The following NEB variants were observed in gnomAD, a reference collection of about 807,000 sequenced individuals.
NEB encodes nebulin.
A neutral mutation model predicts 952.2 loss-of-function variants in NEB; 512 were observed. The observed-to-expected ratio is 0.54, with a 90% CI of 0.50 to 0.58. NEB has a LOEUF of 0.58. Among genes scored for constraint, NEB ranks in the 20% least tolerant of loss-of-function variants. The probability of loss-of-function intolerance (pLI) is 0.00; values close to 1 mark genes in which losing one functional copy is unlikely to be tolerated. For missense variants in NEB, 8,428 were observed against 9,231.1 expected (o/e 0.91, Z 3.56); for synonymous variants, 2,900 against 3,149.8 (o/e 0.92, Z 2.66).
At chr2:151,487,687 T>C (rs1437373019) in intron 181 of NEB, among the ~76,000 whole-genome samples, 1 of 152,208 alleles carries the variant, frequency 6.6e-6, no homozygotes, top group African/African-American at 2.4e-5. Context: ...GGGCAAATAA[T>C]TTCTGAAGAA....
At chr2:151,619,202 A>G (rs1573922399) in intron 73 of NEB, among the ~76,000 whole-genome samples, 1 of 152,194 alleles carries the variant, frequency 6.6e-6, no homozygotes, top group Non-Finnish European at 1.5e-5. Context: ...CAAACAAAGG[A>G]AGCCTGAATC....
intron 17 of NEB, among the ~76,000 whole-genome samples, chr2:151,696,161 A>G (rs2099594739): frequency 1.3e-5 from 2 of 152,316 alleles, no homozygotes; most frequent in African/African-American, 4.8e-5. Flanking sequence ...AGCTCATATA[A>G]TAAAATTTGT....
At chr2:151,501,297 A>AATTG (rs1328647692) in intron 168 of NEB, 94 bp downstream of exon 168, 8 of 829,762 alleles carry the variant, frequency 9.6e-6, no homozygotes, top group African/African-American at 3.5e-5. Flanking sequence ...GATTTTGTTA[A>AATTG]ATTGATTATT....
intron 171 of NEB, 138 bp downstream of exon 171, chr2:151,497,487 GA>G: frequency 6.8e-7 from 1 of 1,472,322 alleles, no homozygotes; most frequent in Non-Finnish European, 8.9e-7. Flanking sequence ...TAGCCCAAAG[GA>G]AAAAAGGATA....
Position 151,534,250 on chromosome 2 carries a change from G to A in NEB, c.21313-704C>T, listed in dbSNP as rs2153521308. On this transcript the variant is annotated intron_variant, in intron 142 of 181. Coordinates refer to ENST00000397345, the MANE Select transcript of NEB (RefSeq NM_001164508.2). ...TGGTCGCCTGCGGTCTTAGCCAGCA[G>A]ATGTCTAGGCTCATCGACTACCAGG... 2 of 1,613,654 alleles carry A rather than the reference G, an allele frequency of 1.2e-6. No individual in the cohort carries two copies. The highest frequency in any genetic ancestry group is 1.7e-6 in the Non-Finnish European group (2 of 1,179,786).
At chr2:151,520,695 C>T (rs1421735533) in intron 153 of NEB, among the ~76,000 whole-genome samples, 1 of 152,106 alleles carries the variant, frequency 6.6e-6, no homozygotes, top group East Asian at 1.9e-4. Flanking sequence ...GAAACCCCAT[C>T]TCCACTAAAA....
intron 169 of NEB, among the ~76,000 whole-genome samples, 172 bp downstream of exon 169, chr2:151,499,126 A>AATG (rs140146338): frequency 1.3e-5 from 2 of 152,300 alleles, no homozygotes; most frequent in East Asian, 3.9e-4. Context: ...TGATTATATT[A>AATG]ATGTTTTACC....
rs1246614856 is a variant in NEB, at chr2:151,575,753, A to T, written c.16955T>A (p.Ile5652Lys). The T allele has an allele frequency of 6.2e-7, 1 of 1,611,238 alleles. No individual in the cohort carries two copies. The highest frequency in any genetic ancestry group is 8.5e-7 in the Non-Finnish European group (1 of 1,177,340). ...ATTAATTTCTGGAGTATCTGGCATT[A>T]TGTGTATTGAAGTTTTATCCTTGTC... ...VWDKDKTSIHIMPDTPEINLA... is the reference protein window; with the variant it reads ...VWDKDKTSIHKMPDTPEINLA... The change falls in exon 107 of 182, where the codon ATA becomes AAA. Residue 5652 changes from isoleucine (I) to lysine (K), a missense_variant. By Grantham distance (102) the Ile-to-Lys change is moderately radical. Transcript: ENST00000397345.
At position 151,548,319 on chromosome 2, in the gene NEB, C is replaced by T. The variant is rs757433328; in HGVS notation, c.20146G>A (p.Val6716Ile). 4 of 1,611,742 alleles carry T rather than the reference C, an allele frequency of 2.5e-6. No homozygotes were observed. The South Asian group carries it at 3.3e-5, about 13-fold the overall frequency. Residue 6716 changes from valine (V) to isoleucine (I), a missense_variant, in exon 131 of 182, where the codon GTT (valine) becomes ATT (isoleucine). By Grantham distance (29) the Val-to-Ile change is conservative (BLOSUM62 3). Coordinates refer to ENST00000397345, the MANE Select transcript of NEB (RefSeq NM_001164508.2). The part of the protein sequence containing the change: ...PFVHVRRVNN[V>I]TSERLYRELY... Reference sequence around the variant, plus strand: ...CAGCATTCAGGTACCTCGCTGGTAACATTGTTGACTCTCCGGACGTGGACA... The same window carrying T: ...CAGCATTCAGGTACCTCGCTGGTAATATTGTTGACTCTCCGGACGTGGACA...
In NEB at chr2:151,490,245, G is replaced by C. The variant is rs2055208846; in HGVS notation, c.25297+127C>G. The C allele has an allele frequency of 3.1e-6, 4 of 1,273,850 alleles. 1 individual carries two copies. In the South Asian group the frequency reaches 6.0e-5, roughly 19 times the overall value. 78.9% of individuals were successfully genotyped at this position (1,273,850 alleles called of 1,614,324 possible). On this transcript the variant is annotated intron_variant, in intron 180 of 181. Coordinates refer to ENST00000397345, the MANE Select transcript of NEB (RefSeq NM_001164508.2). ...CTTCATGCAGCCCTCCACAATTCTA[G>C]TCTTTTCTCATTAAAGGAAAGGATG...
At chr2:151,649,020 G>A (rs946054860) in intron 54 of NEB, among the ~76,000 whole-genome samples, 5 of 152,016 alleles carry the variant, frequency 3.3e-5, no homozygotes, top group Non-Finnish European at 5.9e-5. Context: ...CGTGTATATC[G>A]ATAAACTTAA....
chr2:151,506,880 A>T, intron 163 of NEB, 29 bp downstream of exon 163: 1 of 1,425,704 alleles, frequency 7.0e-7, no homozygotes, highest in South Asian at 1.2e-5. Flanking sequence ...CTAGGTTAGC[A>T]TTAAATGCAA....
rs1455089888 is a variant in NEB, at chr2:151,561,194, A to G, written c.19101+14T>C. 1.9e-6 allele frequency: 3 copies of G among 1,596,004 alleles called. No individual in the cohort carries two copies. In the South Asian group the frequency reaches 3.4e-5, roughly 18 times the overall value. On this transcript the variant is annotated intron_variant, in intron 122 of 181. Transcript: ENST00000397345. Reference sequence around the variant, plus strand: ...AATAGTTTGTCCCTGGAAGAGGAGTACAGGAAGACGCACCTCACTGGCATT... The same window carrying G: ...AATAGTTTGTCCCTGGAAGAGGAGTGCAGGAAGACGCACCTCACTGGCATT...
chr2:151,496,516 C>T (rs2060280790), intron 172 of NEB, 148 bp from the exon 173 acceptor site: 3 of 1,442,476 alleles, frequency 2.1e-6, no homozygotes, highest in Non-Finnish European at 2.8e-6. Context: ...CCACCAGCTA[C>T]TTTAGTGGAA....
At chr2:151,523,116 CA>C (rs903914694) in intron 153 of NEB, among the ~76,000 whole-genome samples, 3 of 148,504 alleles carry the variant, frequency 2.0e-5, no homozygotes, top group Non-Finnish European at 4.5e-5. Context: ...CATTTAAAAA[CA>C]TTAACTTTTT....
chr2:151,667,714 A>C, intron 40 of NEB, 90 bp downstream of exon 40: 14 of 898,232 alleles, frequency 1.6e-5, no homozygotes, highest in East Asian at 5.3e-5. Context: ...TTATTTCTGT[A>C]GAGACAGGGT....
chr2:151,629,568 C>T lies in NEB; in HGVS notation c.9802G>A (p.Ala3268Thr), dbSNP rs765335844. 1.9e-6 allele frequency: 3 copies of T among 1,613,772 alleles called. No individual in the cohort carries two copies. The highest frequency in any genetic ancestry group is 8.5e-7 in the Non-Finnish European group (1 of 1,179,752). The change falls in exon 68 of 182, where the codon GCC becomes ACC. Residue 3268 changes from alanine to threonine, a missense_variant. This residue lies in a region of NEB where 1,772 missense variants were observed against 1,960.3 expected (regional missense o/e 0.90). Coordinates refer to ENST00000397345, the MANE Select transcript of NEB (RefSeq NM_001164508.2). ...LRSDAIPIVAAKASRDVISDY... is the reference protein window; with the variant it reads ...LRSDAIPIVATKASRDVISDY... ...CTGATAACGTCCCTGGAGGCCTTGG[C>T]AGCCACGATGGGGATGGCGTCACTT...
intron 46 of NEB, among the ~76,000 whole-genome samples, chr2:151,661,557 G>A (rs902799282): frequency 6.6e-6 from 1 of 152,158 alleles, no homozygotes; most frequent in African/African-American, 2.4e-5. Context: ...AGATGTTCAA[G>A]GTTGATTGTA....
rs1064796520 is a variant in NEB at position 151,665,418 on chromosome 2, T to A, written c.5153A>T (p.Gln1718Leu). ...AGTGAACTTCAGCTTCTCGGGGTGC[T>A]GGCGATACTTCTTCTCACTAAGAAT... is the stretch of plus-strand genomic sequence containing the variant. ...GEILSEKKYR[Q>L]HPEKLKFTYA... is the part of the protein sequence containing the mutation. The change falls in exon 42 of 182, where the codon CAG becomes CTG. Residue 1718 changes from glutamine to leucine, a missense_variant. Transcript: ENST00000397345. The A allele has an allele frequency of 6.2e-7, 1 of 1,613,814 alleles. No individual in the cohort carries two copies. The highest frequency in any genetic ancestry group is 2.2e-5 in the East Asian group (1 of 44,874).
Sources: allele counts gnomAD v4.1 joint callset (sites outside exome capture counted in the v4.1 genomes callset), GRCh38; gene constraint gnomAD v4.1.1; regional missense constraint gnomAD v4.1.1; transcripts MANE v1.5; gene names NCBI Gene and HGNC (gene_info 2026-07-23, HGNC 2026-07-21).